Variants in EYA2 observed in about 807,000 individuals in gnomAD.
EYA2 encodes EYA transcriptional coactivator and phosphatase 2.
Under a neutral mutation model 69.2 loss-of-function variants are expected in EYA2, and 31 were observed. The ratio of observed to expected loss-of-function variants is 0.45; its 90% CI spans 0.34 to 0.60. The LOEUF is 0.60. EYA2 is among the 20% of genes least tolerant of loss of function. The pLI is 0.02. For synonymous variants in EYA2, 257 were observed against 279.4 expected (o/e 0.92, Z 0.80); for missense variants, 622 against 701.2 (o/e 0.89, Z 1.28).
intron 5 of EYA2, among the ~76,000 whole-genome samples, chr20:47,055,265 C>G (rs2030549629): frequency 6.6e-6 from 1 of 152,214 alleles, no homozygotes; most frequent in African/African-American, 2.4e-5. Flanking sequence ...AAATCTCTCT[C>G]TGACGTGTAT....
chr20:47,119,037 GC>G (rs1182183977), intron 9 of EYA2, among the ~76,000 whole-genome samples: 1 of 152,152 alleles, frequency 6.6e-6, no homozygotes, highest in Non-Finnish European at 1.5e-5. Flanking sequence ...GATGATAAGT[GC>G]TGAAAAAAAT....
At chr20:47,087,865 G>A (rs6012115) in intron 7 of EYA2, among the ~76,000 whole-genome samples, 4,140 of 152,280 alleles carry the variant, frequency 0.027, 186 homozygotes, top group African/African-American at 0.092. Flanking sequence ...AGATGCTCTC[G>A]CCTATATAAT....
intron 5 of EYA2, 105 bp downstream of exon 5, chr20:47,016,402 G>T (rs1983415771): frequency 1.2e-6 from 1 of 837,908 alleles, no homozygotes. Flanking sequence ...CCTACTATGT[G>T]CCAGGCTCTA....
intron 1 of EYA2, among the ~76,000 whole-genome samples, chr20:46,982,422 A>G (rs1408504679): frequency 6.6e-6 from 1 of 152,152 alleles, no homozygotes; most frequent in Non-Finnish European, 1.5e-5. Context: ...ATACCCAGGA[A>G]TGCTTTTCTC....
intron 10 of EYA2, among the ~76,000 whole-genome samples, chr20:47,153,444 C>G (rs374986203): frequency 6.6e-6 from 1 of 151,444 alleles, no homozygotes; most frequent in Non-Finnish European, 1.5e-5. Flanking sequence ...AGTTTGAGAC[C>G]AGCCTGGGCA....
chr20:46,913,839 G>A (rs76949635), intron 1 of EYA2, among the ~76,000 whole-genome samples: 209 of 152,286 alleles, frequency 1.4e-3, no homozygotes, highest in Admixed American at 4.8e-3. Context: ...GGAGCACCTC[G>A]TGTGGACCTG....
chr20:47,171,412 TG>T (rs1320046141), intron 11 of EYA2, among the ~76,000 whole-genome samples: 1 of 152,232 alleles, frequency 6.6e-6, no homozygotes, highest in Non-Finnish European at 1.5e-5. Flanking sequence ...TGTTTTGTTT[TG>T]TTTTTTTCAG....
In EYA2 at chr20:47,172,565, C is replaced by T. The variant is rs1028556447; in HGVS notation, c.1038-142C>T. ...GTGGTCCTGCTGCCCCCCAAATGCA[C>T]ACTCGCAGCACCCTGTGCATTTCGA... On this transcript the variant is annotated intron_variant, in intron 11 of 15. Coordinates refer to ENST00000327619, the MANE Select transcript of EYA2 (RefSeq NM_005244.5). 3.2e-5 allele frequency: 23 copies of T among 719,796 alleles called. No individual in the cohort carries two copies. The African/African-American group carries it at 3.7e-4, about 12-fold the overall frequency. 44.6% of individuals were successfully genotyped at this position (719,796 alleles called of 1,614,324 possible).
chr20:46,978,464 G>C (rs1980599866), intron 1 of EYA2: 2 of 435,906 alleles, frequency 4.6e-6, no homozygotes, highest in African/African-American at 4.0e-5. Flanking sequence ...TCCAGGCAGA[G>C]GGAACAGCAT....
chr20:47,147,629 T>A (rs1163445763), intron 10 of EYA2, among the ~76,000 whole-genome samples: 1 of 152,184 alleles, frequency 6.6e-6, no homozygotes, highest in Non-Finnish European at 1.5e-5. Flanking sequence ...AACAACATGA[T>A]GTGACTTTGG....
intron 5 of EYA2, among the ~76,000 whole-genome samples, chr20:47,061,242 T>C (rs2030868884): frequency 6.6e-6 from 1 of 152,098 alleles, no homozygotes; most frequent in South Asian, 2.1e-4. Flanking sequence ...TTTAAGAAAA[T>C]CAGGCCTGGC....
intron 8 of EYA2, chr20:47,095,767 C>A (rs1445925486): frequency 6.6e-6 from 1 of 152,150 alleles, no homozygotes; most frequent in Non-Finnish European, 1.5e-5. Flanking sequence ...AAGATAACTT[C>A]AGATATTCGA....
intron 7 of EYA2, among the ~76,000 whole-genome samples, chr20:47,076,396 C>T (rs2031520089): frequency 1.3e-5 from 2 of 152,092 alleles, no homozygotes; most frequent in Admixed American, 6.6e-5. Flanking sequence ...TAATAATGGC[C>T]ATTCTGATTG....
At chr20:47,030,297 TAAA>T (rs1456389206) in intron 5 of EYA2, among the ~76,000 whole-genome samples, 1 of 152,196 alleles carries the variant, frequency 6.6e-6, no homozygotes, top group East Asian at 1.9e-4. Flanking sequence ...GTTCCTCCAA[TAAA>T]AGTGTCCCCA....
chr20:46,969,535 G>T (rs1006861700), intron 1 of EYA2, among the ~76,000 whole-genome samples: 26 of 150,260 alleles, frequency 1.7e-4, no homozygotes, highest in Admixed American at 2.0e-4. Context: ...CTCTGTCTTT[G>T]TTTCTCCTCT....
chr20:47,022,655 C>CT (rs3092574), intron 5 of EYA2, among the ~76,000 whole-genome samples: 4,378 of 105,526 alleles, frequency 0.041, 541 homozygotes, highest in East Asian at 0.29. Context: ...TAAACTTCAC[C>CT]TTTTTTTTTT....
At position 47,009,754 on chromosome 20, in the gene EYA2, C is replaced by T. The variant is rs542536265; in HGVS notation, c.298+4670C>T. Among the ~76,000 whole-genome samples the T allele has an allele frequency of 4.6e-5, 7 of 152,306 alleles. No individual in the cohort carries two copies. The South Asian group carries it at 6.2e-4, about 14-fold the overall frequency. On this transcript the variant is annotated intron_variant, in intron 4 of 15. Transcript: ENST00000327619. ...AAAGCAGCCATAGACAAAGCATAAA[C>T]GAATGGGCTGTCTATGTCTCAAAAA...
intron 1 of EYA2, among the ~76,000 whole-genome samples, chr20:46,912,586 A>G (rs1227098176): frequency 6.6e-6 from 1 of 152,224 alleles, no homozygotes; most frequent in Non-Finnish European, 1.5e-5. Context: ...ATAAAAAAGC[A>G]AATAGTAAGA....
chr20:47,105,523 G>A (rs553503055), intron 9 of EYA2, among the ~76,000 whole-genome samples: 2 of 151,700 alleles, frequency 1.3e-5, no homozygotes, highest in Non-Finnish European at 1.5e-5. Flanking sequence ...TACTCAGGAG[G>A]CTGAGACAGG....
Sources: gnomAD v4.1 joint callset for allele counts (sites outside exome capture counted in the v4.1 genomes callset) on GRCh38, gnomAD v4.1.1 for gene constraint, MANE v1.5 for transcripts, NCBI Gene and HGNC (gene_info 2026-07-23, HGNC 2026-07-21) for gene names.